CSMD3: variants seen among roughly 807,000 people sequenced by gnomAD.
CSMD3 encodes CUB and Sushi multiple domains 3.
In CSMD3, 177 loss-of-function variants were observed where a neutral mutation model predicts 435.2. The observed-to-expected ratio is 0.41, with a 90% CI of 0.36 to 0.46. The LOEUF is 0.46. Among genes scored for constraint, CSMD3 ranks in the 20% least tolerant of loss-of-function variants. The probability of loss-of-function intolerance (pLI) is 0.34; values close to 1 mark genes in which losing one functional copy is unlikely to be tolerated. For synonymous variants in CSMD3, 1,656 were observed against 1,520.5 expected (o/e 1.09, Z -2.07); for missense variants, 4,265 against 4,504.6 (o/e 0.95, Z 1.52).
intron 3 of CSMD3, among the ~76,000 whole-genome samples, chr8:113,265,801 G>GCTAAAA (rs1387577508): frequency 6.6e-6 from 1 of 151,178 alleles, no homozygotes; most frequent in Non-Finnish European, 1.5e-5. Context: ...TTGTGGATTA[G>GCTAAAA]GGTGTTTCCA....
chr8:113,160,260 T>C (rs1342820754), intron 4 of CSMD3, among the ~76,000 whole-genome samples: 1 of 151,888 alleles, frequency 6.6e-6, no homozygotes, highest in Non-Finnish European at 1.5e-5. Flanking sequence ...AATCTTATTA[T>C]TTTTCTTCTA....
At chr8:112,762,219 G>A (rs2077856914) in intron 13 of CSMD3, among the ~76,000 whole-genome samples, 1 of 151,954 alleles carries the variant, frequency 6.6e-6, no homozygotes, top group Non-Finnish European at 1.5e-5. Flanking sequence ...CGAGGCAGCA[G>A]ATATGTTACT....
At position 113,293,255 on chromosome 8, in the gene CSMD3, T is replaced by C. The variant is rs2093698258; in HGVS notation, c.402-14551A>G. On this transcript the variant is annotated intron_variant, in intron 2 of 70. Transcript: ENST00000297405. The stretch of plus-strand genomic sequence containing the variant: ...TATATACATATATATATATGATTCC[T>C]ATTTTACGTGCCCACTTGGATATCT... 2.6e-5 allele frequency among the ~76,000 whole-genome samples: 4 copies of C among 151,180 alleles called. No individual in the cohort carries two copies. The South Asian group carries it at 8.3e-4, about 31-fold the overall frequency.
At chr8:112,625,782 G>C (rs547065895) in intron 22 of CSMD3, among the ~76,000 whole-genome samples, 1 of 152,154 alleles carries the variant, frequency 6.6e-6, no homozygotes, top group East Asian at 1.9e-4. Flanking sequence ...AACTCCTTTT[G>C]AAAAACACCT....
intron 64 of CSMD3, 123 bp downstream of exon 64, chr8:112,246,897 T>A: frequency 1.3e-6 from 1 of 742,642 alleles, no homozygotes; most frequent in Non-Finnish European, 2.4e-6. Context: ...GCATATAATA[T>A]GTTTTATAAT....
intron 1 of CSMD3, among the ~76,000 whole-genome samples, chr8:113,331,667 A>G (rs2132773289): frequency 6.6e-6 from 1 of 151,960 alleles, no homozygotes; most frequent in Admixed American, 6.5e-5. Context: ...TAAACGGAAT[A>G]AAGGACAAAA....
chr8:113,302,335 A>C (rs1248103686), intron 2 of CSMD3, among the ~76,000 whole-genome samples: 2 of 143,040 alleles, frequency 1.4e-5, no homozygotes, highest in East Asian at 3.9e-4. Flanking sequence ...ATAATATAAT[A>C]ATAAAAAATA....
At chr8:113,161,743 A>G (rs2092043918) in intron 4 of CSMD3, among the ~76,000 whole-genome samples, 1 of 152,096 alleles carries the variant, frequency 6.6e-6, no homozygotes, top group South Asian at 2.1e-4. Context: ...TAAGTTTTAG[A>G]CTCTTTTGTC....
chr8:112,386,979 G>C (rs370704775), intron 36 of CSMD3, among the ~76,000 whole-genome samples: 1 of 152,068 alleles, frequency 6.6e-6, no homozygotes, highest in African/African-American at 2.4e-5. Context: ...ATAAAATCAC[G>C]ATAATCATGC....
chr8:112,332,147 A>AAC (rs1425846425), intron 45 of CSMD3, among the ~76,000 whole-genome samples: 2 of 152,180 alleles, frequency 1.3e-5, no homozygotes, highest in Non-Finnish European at 2.9e-5. Flanking sequence ...AGAGGATAAG[A>AAC]ACAAGAAATT....
chr8:112,701,489 C>T (rs544028828), intron 13 of CSMD3, among the ~76,000 whole-genome samples: 3 of 151,810 alleles, frequency 2.0e-5, no homozygotes, highest in East Asian at 1.9e-4. Flanking sequence ...CCATGATAAT[C>T]GAGAGAAAGA....
chr8:113,149,877 T>C (rs2091765452), intron 4 of CSMD3, among the ~76,000 whole-genome samples: 1 of 152,018 alleles, frequency 6.6e-6, no homozygotes, highest in Non-Finnish European at 1.5e-5. Context: ...AGCCAAAATT[T>C]AGGATTGGGT....
intron 10 of CSMD3, among the ~76,000 whole-genome samples, chr8:112,874,264 G>A (rs1386228342): frequency 2.6e-5 from 4 of 152,142 alleles, no homozygotes; most frequent in Non-Finnish European, 5.9e-5. Context: ...TTGCACTGTG[G>A]TATGAGAGAC....
rs536805432 is a variant in CSMD3, at chr8:112,975,772, G to A, written c.1342+65C>T. On this transcript the variant is annotated intron_variant, in intron 7 of 70. Coordinates refer to ENST00000297405, the MANE Select transcript of CSMD3 (RefSeq NM_198123.2). ...TCTCTTTCAGCTCATTCTCTAATTA[G>A]AATCATTACCAAAATATAGCTTTGG... 416 of 1,609,404 alleles carry A rather than the reference G, an allele frequency of 2.6e-4. No individual in the cohort carries two copies. In the African/African-American group the frequency reaches 5.2e-3, roughly 20 times the overall value.
intron 10 of CSMD3, among the ~76,000 whole-genome samples, chr8:112,864,644 T>C (rs540452550): frequency 2.1e-3 from 319 of 152,086 alleles, no homozygotes; most frequent in African/African-American, 7.4e-3. Flanking sequence ...TTTTAAAAAA[T>C]ATATTTAGCA....
intron 27 of CSMD3, among the ~76,000 whole-genome samples, chr8:112,546,217 T>C (rs1172178933): frequency 6.6e-6 from 1 of 152,194 alleles, no homozygotes; most frequent in East Asian, 1.9e-4. Flanking sequence ...AGGCTTTAAA[T>C]GTCATGCCAA....
At position 112,337,656 on chromosome 8, in the gene CSMD3, C is replaced by A. The variant is rs138226564; in HGVS notation, c.6728G>T (p.Gly2243Val). The change falls in exon 43 of 71, where the codon GGT (glycine) becomes GTT (valine). Residue 2243 changes from glycine to valine, a missense_variant. Around this residue, in one of 3 missense-constraint regions of CSMD3, gnomAD observed 3,255 missense variants for 3,380.2 expected, o/e 0.96. Transcript: ENST00000297405. ...GFVIGNDFTV[G>V]QTISFECFPG... is the part of the protein sequence containing the mutation. ...GAAACATTCAAATGAAATGGTTTGA[C>A]CCACAGTAAAATCATTACCAATTAC... 1.2e-6 allele frequency: 2 copies of A among 1,613,402 alleles called. No homozygotes were observed. Among genetic ancestry groups the A allele is most frequent in the African/African-American group, 1.3e-5 (1 of 74,872 alleles).
chr8:113,340,528 C>T (rs1022738899), intron 1 of CSMD3, among the ~76,000 whole-genome samples: 2 of 151,912 alleles, frequency 1.3e-5, no homozygotes, highest in African/African-American at 2.4e-5. Context: ...TTTTTGTATG[C>T]TAAGTTTTAA....
At chr8:113,170,721 T>C (rs1408939830) in intron 4 of CSMD3, among the ~76,000 whole-genome samples, 3 of 152,124 alleles carry the variant, frequency 2.0e-5, no homozygotes, top group Non-Finnish European at 4.4e-5. Context: ...ATCTTTTGAT[T>C]CTCAGCACAT....
Sources: allele counts gnomAD v4.1 joint callset (sites outside exome capture counted in the v4.1 genomes callset), GRCh38; gene constraint gnomAD v4.1.1; regional missense constraint gnomAD v4.1.1; transcripts MANE v1.5; gene names NCBI Gene and HGNC (gene_info 2026-07-23, HGNC 2026-07-21).